The following CLSTN2 variants were observed in gnomAD, a reference collection of about 807,000 sequenced individuals.
The protein encoded by CLSTN2 is calsyntenin 2, also known as calsyntenin-2.
CLSTN2 carries 48 observed loss-of-function variants against 101.2 expected under a neutral mutation model. That is an observed-to-expected ratio of 0.47 (90% CI 0.38 to 0.60). The LOEUF is 0.60. Ranked by LOEUF, CLSTN2 falls within the 20% of genes least tolerant of loss-of-function variation. The pLI is 0.00. For missense variants in CLSTN2, 1,160 were observed against 1,238.2 expected, an observed-to-expected ratio of 0.94 and a Z score of 0.95; for synonymous variants, 481 against 463.6, an observed-to-expected ratio of 1.04 and a Z score of -0.48.
intron 1 of CLSTN2, among the ~76,000 whole-genome samples, chr3:140,102,362 C>T (rs2008981458): frequency 3.9e-5 from 6 of 152,298 alleles, no homozygotes. Flanking sequence ...GGCAAGAAGC[C>T]TGTTGTGCTC....
chr3:140,343,720 A>C (rs1363462171), intron 2 of CLSTN2, among the ~76,000 whole-genome samples: 1 of 152,228 alleles, frequency 6.6e-6, no homozygotes, highest in Non-Finnish European at 1.5e-5. Context: ...TGTTCATCCA[A>C]GTTCTAGTTA....
At chr3:140,266,121 T>C (rs1027473293) in intron 2 of CLSTN2, among the ~76,000 whole-genome samples, 1 of 152,130 alleles carries the variant, frequency 6.6e-6, no homozygotes, top group Non-Finnish European at 1.5e-5. Flanking sequence ...TGAATTCCCA[T>C]ATCCTGTGTC....
rs1303952368 is a variant in CLSTN2 at position 140,443,040 on chromosome 3, G to T, written c.788-5479G>T. ...CAGATAGTGAATGCTTGCAGATCTG[G>T]CTGCAGTGTCAGCTGCCTGAACAAT... On this transcript the variant is annotated intron_variant, in intron 5 of 16. Transcript: ENST00000458420. Among the ~76,000 whole-genome samples, 3 of 152,218 alleles carry T rather than the reference G, an allele frequency of 2.0e-5. No individual in the cohort carries two copies. The East Asian group carries it at 5.8e-4, about 29-fold the overall frequency.
chr3:140,088,802 G>A (rs558655204), intron 1 of CLSTN2, among the ~76,000 whole-genome samples: 1 of 152,254 alleles, frequency 6.6e-6, no homozygotes, highest in East Asian at 1.9e-4. Flanking sequence ...GCTTGCAGTG[G>A]AATATCTGAG....
intron 8 of CLSTN2, among the ~76,000 whole-genome samples, chr3:140,513,155 G>C (rs1474667685): frequency 1.3e-5 from 2 of 152,162 alleles, no homozygotes; most frequent in African/African-American, 4.8e-5. Context: ...TTGAATAGGA[G>C]TGGTGAGAGA....
intron 1 of CLSTN2, among the ~76,000 whole-genome samples, chr3:140,156,744 A>G (rs1489774379): frequency 3.3e-5 from 5 of 152,316 alleles, no homozygotes; most frequent in South Asian, 2.1e-4. Context: ...CTCAGACTGC[A>G]TGGAAGTCTA....
At chr3:140,267,249 A>C (rs1019341668) in intron 2 of CLSTN2, among the ~76,000 whole-genome samples, 3 of 152,188 alleles carry the variant, frequency 2.0e-5, no homozygotes, top group African/African-American at 7.2e-5. Context: ...TTAAAACCTC[A>C]TATCTTTCCT....
chr3:139,976,924 C>T (rs950002893), intron 1 of CLSTN2, among the ~76,000 whole-genome samples: 1 of 152,176 alleles, frequency 6.6e-6, no homozygotes, highest in African/African-American at 2.4e-5. Context: ...TCAGTTTACT[C>T]CTTTAGAGAC....
At chr3:140,499,439 G>A (rs554052142) in intron 8 of CLSTN2, among the ~76,000 whole-genome samples, 1 of 152,318 alleles carries the variant, frequency 6.6e-6, no homozygotes, top group South Asian at 2.1e-4. Flanking sequence ...TAATTAAATG[G>A]TCAGCCAAGG....
At chr3:140,414,557 A>C (rs2088405464) in intron 4 of CLSTN2, among the ~76,000 whole-genome samples, 2 of 152,130 alleles carry the variant, frequency 1.3e-5, no homozygotes, top group South Asian at 4.1e-4. Flanking sequence ...TGCACATTGG[A>C]GACTCAGAAG....
chr3:140,344,157 C>T (rs1559844353), intron 2 of CLSTN2, among the ~76,000 whole-genome samples: 1 of 152,212 alleles, frequency 6.6e-6, no homozygotes, highest in Non-Finnish European at 1.5e-5. Flanking sequence ...TGACATACAA[C>T]AGTAAGCATT....
At chr3:140,203,029 C>T (rs548904022) in intron 2 of CLSTN2, among the ~76,000 whole-genome samples, 1 of 152,290 alleles carries the variant, frequency 6.6e-6, no homozygotes, top group African/African-American at 2.4e-5. Context: ...AATAGTGGAA[C>T]CCCAAGGTGG....
chr3:139,938,839 T>C (rs1935074068), intron 1 of CLSTN2, among the ~76,000 whole-genome samples: 2 of 152,188 alleles, frequency 1.3e-5, no homozygotes, highest in Non-Finnish European at 2.9e-5. Flanking sequence ...AGACCATCAA[T>C]TGTTGTAGTG....
intron 1 of CLSTN2, among the ~76,000 whole-genome samples, chr3:139,939,920 C>T (rs1478320637): frequency 6.6e-6 from 1 of 152,162 alleles, no homozygotes; most frequent in East Asian, 1.9e-4. Flanking sequence ...CCGGAATGTG[C>T]CCTTTACCTC....
chr3:139,984,619 T>A (rs9866483), intron 1 of CLSTN2, among the ~76,000 whole-genome samples: 1 of 151,942 alleles, frequency 6.6e-6, no homozygotes, highest in Non-Finnish European at 1.5e-5. Flanking sequence ...GTCCTGATTG[T>A]CTCTCTTCTT....
chr3:140,051,267 G>T lies in CLSTN2; in HGVS notation c.109+115784G>T, dbSNP rs560258602. On this transcript the variant is annotated intron_variant, in intron 1 of 16. Transcript: ENST00000458420. ...GCTGTCTGGAGAAGCCATCAATCTTGTGGGATGTGTAATTTGCACAAGTTT... is the reference window on the plus strand; with the variant it reads ...GCTGTCTGGAGAAGCCATCAATCTTTTGGGATGTGTAATTTGCACAAGTTT... Among the ~76,000 whole-genome samples the T allele has an allele frequency of 7.2e-5, 11 of 152,374 alleles. No homozygotes were observed. In the East Asian group the frequency reaches 1.5e-3, roughly 21 times the overall value.
Position 140,563,962 on chromosome 3 carries a change from G to A in CLSTN2, c.2484G>A (p.Val828=), listed in dbSNP as rs1180852053. 1.2e-6 allele frequency: 2 copies of A among 1,613,486 alleles called. No individual in the cohort carries two copies. Among genetic ancestry groups the A allele is most frequent in the African/African-American group, 2.7e-5 (2 of 74,912 alleles). Residue 828 remains valine, a splice_region_variant and synonymous_variant, in exon 16 of 17, where the codon GTG becomes GTA. Coordinates refer to ENST00000458420, the MANE Select transcript of CLSTN2 (RefSeq NM_022131.3). ...ESRSSIQHSS[V]VPSIATVVII... ...ATGCGAGTTTTTTCCTTGTTCCAGT[G>A]GTCCCAAGCATTGCCACAGTGGTCA...
chr3:140,377,362 T>C (rs867154458), intron 2 of CLSTN2, among the ~76,000 whole-genome samples: 21 of 152,238 alleles, frequency 1.4e-4, no homozygotes, highest in South Asian at 6.2e-4. Context: ...ATAGTCATTC[T>C]ACTTATATGT....
chr3:140,264,796 A>C (rs746717669), intron 2 of CLSTN2, among the ~76,000 whole-genome samples: 22 of 152,042 alleles, frequency 1.4e-4, no homozygotes, highest in Non-Finnish European at 2.4e-4. Context: ...AAAAATGATG[A>C]TTTTCATTGA....
Sources: allele counts gnomAD v4.1 joint callset (sites outside exome capture counted in the v4.1 genomes callset), GRCh38; gene constraint gnomAD v4.1.1; transcripts MANE v1.5; gene names NCBI Gene and HGNC (gene_info 2026-07-23, HGNC 2026-07-21).